The following MYCBP2 variants were observed in gnomAD, a reference collection of about 807,000 sequenced individuals.
The protein encoded by MYCBP2 is E3 ubiquitin-protein ligase MYCBP2.
In MYCBP2, 120 loss-of-function variants were observed where a neutral mutation model predicts 525.3. The observed-to-expected ratio is 0.23, with a 90% CI of 0.20 to 0.27. MYCBP2 has a LOEUF of 0.27. MYCBP2 is among the 10% of genes least tolerant of loss of function. The pLI is 1.00. For missense variants in MYCBP2, 4,149 were observed against 5,657.1 expected (o/e 0.73, Z 8.55); for synonymous variants, 1,894 against 1,955.8 (o/e 0.97, Z 0.83).
At chr13:77,112,590 T>G (rs1012817635) in intron 55 of MYCBP2, among the ~76,000 whole-genome samples, 2 of 151,680 alleles carry the variant, frequency 1.3e-5, no homozygotes, top group African/African-American at 4.8e-5. Flanking sequence ...TATGCCCAGC[T>G]GATCTTTAAA....
intron 39 of MYCBP2, 27 bp downstream of exon 39, chr13:77,169,587 T>C (rs1399052543): frequency 1.7e-5 from 26 of 1,572,660 alleles, no homozygotes; most frequent in Non-Finnish European, 2.2e-5. Context: ...AAAAAAACAT[T>C]CAAAGTTATA....
At chr13:77,258,550 CAT>C (rs2072653856) in intron 13 of MYCBP2, among the ~76,000 whole-genome samples, 1 of 152,114 alleles carries the variant, frequency 6.6e-6, no homozygotes, top group African/African-American at 2.4e-5. Flanking sequence ...GTATCAATCT[CAT>C]ATTATGCTTT....
At chr13:77,084,166 CA>C (rs1253062322) in intron 62 of MYCBP2, among the ~76,000 whole-genome samples, 1 of 152,124 alleles carries the variant, frequency 6.6e-6, no homozygotes, top group Non-Finnish European at 1.5e-5. Context: ...TCTTTTCACA[CA>C]TGCATATATG....
At chr13:77,158,973 T>G (rs2057548969) in intron 44 of MYCBP2, among the ~76,000 whole-genome samples, 1 of 152,250 alleles carries the variant, frequency 6.6e-6, no homozygotes, top group Non-Finnish European at 1.5e-5. Context: ...GTCTTATGTT[T>G]TTGGAGAGAC....
chr13:77,118,402 G>A (rs753378191), intron 55 of MYCBP2: 2 of 764,488 alleles, frequency 2.6e-6, no homozygotes, highest in South Asian at 2.7e-5. Context: ...GTGTACTAGG[G>A]AAGAGGGAGG....
At chr13:77,163,225 A>T (rs1030039162) in intron 43 of MYCBP2, among the ~76,000 whole-genome samples, 4 of 152,168 alleles carry the variant, frequency 2.6e-5, no homozygotes, top group Non-Finnish European at 4.4e-5. Context: ...ATGTATAAAA[A>T]TTTTCTATGT....
intron 47 of MYCBP2, among the ~76,000 whole-genome samples, chr13:77,149,609 C>T (rs1050516226): frequency 1.2e-4 from 18 of 152,154 alleles, no homozygotes; most frequent in Admixed American, 8.5e-4. Context: ...GTACATCTAA[C>T]TTTGTTTTAT....
chr13:77,243,162 T>TA lies in MYCBP2; in HGVS notation c.2528-3dup. The TA allele has an allele frequency of 6.2e-7, 1 of 1,612,530 alleles. No homozygotes were observed. The highest frequency in any genetic ancestry group is 8.5e-7 in the Non-Finnish European group (1 of 1,178,588). ...TGTTAACCCCGGGCACTGGGACAGC[T>TA]AGATGATTGGCCAAAAACAACAACA... On this transcript the variant is annotated splice_polypyrimidine_tract_variant and splice_region_variant and intron_variant, in intron 16 of 82. Coordinates refer to ENST00000544440, the MANE Select transcript of MYCBP2 (RefSeq NM_015057.5).
chr13:77,162,020 C>A, intron 43 of MYCBP2, 65 bp from the exon 44 acceptor site: 3 of 1,068,248 alleles, frequency 2.8e-6, no homozygotes, highest in South Asian at 2.8e-5. Flanking sequence ...ATTTTCTAGT[C>A]CTTTGCATTC....
intron 66 of MYCBP2, chr13:77,077,635 AT>A (rs2042542533): frequency 2.5e-6 from 1 of 393,260 alleles, no homozygotes; most frequent in Non-Finnish European, 4.5e-6. Context: ...AAATGGTGGA[AT>A]TGAGAATTAA....
rs1240477184 is a variant in MYCBP2 at position 77,180,289 on chromosome 13, G to T, written c.4971C>A (p.Ser1657Arg). Residue 1657 changes from serine (S) to arginine (R), a missense_variant, in exon 34 of 83, where the codon AGC becomes AGA. This residue lies in a region of MYCBP2 where 292 missense variants were observed against 330.5 expected (regional missense o/e 0.88). Coordinates refer to ENST00000544440, the MANE Select transcript of MYCBP2 (RefSeq NM_015057.5). Reference protein sequence around the residue: ...QSEENISGMTSFREVLEKMLV... With the variant: ...QSEENISGMTRFREVLEKMLV... ...GCATTTTCTCCAGAACTTCACGGAA[G>T]CTTGTCATCCCTGAGATATTCTCTT... The T allele has an allele frequency of 1.2e-6, 2 of 1,614,114 alleles. No homozygotes were observed. The highest frequency in any genetic ancestry group is 8.5e-7 in the Non-Finnish European group (1 of 1,179,986).
intron 19 of MYCBP2, 83 bp downstream of exon 19, chr13:77,225,352 G>A (rs562539091): frequency 1.9e-6 from 3 of 1,568,776 alleles, no homozygotes; most frequent in East Asian, 2.3e-5. Context: ...ACAGTTAACA[G>A]GCTATGTTCA....
At chr13:77,117,447 C>T (rs1267282068) in intron 55 of MYCBP2, among the ~76,000 whole-genome samples, 2 of 152,020 alleles carry the variant, frequency 1.3e-5, no homozygotes, top group East Asian at 1.9e-4. Context: ...ACATACTAAC[C>T]TAGTTTTTAA....
At chr13:77,192,043 A>T (rs2061346024) in intron 27 of MYCBP2, among the ~76,000 whole-genome samples, 1 of 152,244 alleles carries the variant, frequency 6.6e-6, no homozygotes, top group Non-Finnish European at 1.5e-5. Context: ...TGAATTCTAC[A>T]ATATCCTTAA....
At chr13:77,056,102 GT>G (rs1566301650) in intron 79 of MYCBP2, among the ~76,000 whole-genome samples, 1,239 of 50,964 alleles carry the variant, frequency 0.024, 19 homozygotes, top group African/African-American at 0.054. Flanking sequence ...TGTGTTTGGT[GT>G]GTGTGTGTGT....
chr13:77,197,399 A>G (rs190520770), intron 26 of MYCBP2, among the ~76,000 whole-genome samples: 231 of 152,310 alleles, frequency 1.5e-3, no homozygotes, highest in African/African-American at 5.3e-3. Context: ...CGGCCTATGT[A>G]TCAAGCATAT....
At chr13:77,071,905 C>A (rs2041368447) in intron 68 of MYCBP2, among the ~76,000 whole-genome samples, 1 of 151,932 alleles carries the variant, frequency 6.6e-6, no homozygotes. Flanking sequence ...GAAACTGAAC[C>A]AGAAATTAAT....
intron 61 of MYCBP2, among the ~76,000 whole-genome samples, chr13:77,088,606 C>T (rs1256609144): frequency 6.6e-6 from 1 of 151,856 alleles, no homozygotes; most frequent in Non-Finnish European, 1.5e-5. Flanking sequence ...AATAGTAAAG[C>T]AATACAGAAA....
At chr13:77,067,177 T>C (rs1158581137) in intron 71 of MYCBP2, among the ~76,000 whole-genome samples, 1 of 152,208 alleles carries the variant, frequency 6.6e-6, no homozygotes, top group Non-Finnish European at 1.5e-5. Context: ...AATATTCTTC[T>C]ATAATTTGTC....
Sources: allele counts gnomAD v4.1 joint callset (sites outside exome capture counted in the v4.1 genomes callset), GRCh38; gene constraint gnomAD v4.1.1; regional missense constraint gnomAD v4.1.1; transcripts MANE v1.5; gene names NCBI Gene and HGNC (gene_info 2026-07-23, HGNC 2026-07-21).